UNC13C: variants seen among roughly 807,000 people sequenced by gnomAD.
UNC13C encodes unc-13 homolog C, also known as protein unc-13 homolog C.
In UNC13C, 174 loss-of-function variants were observed where a neutral mutation model predicts 245.4. The ratio of observed to expected loss-of-function variants is 0.71; its 90% CI spans 0.63 to 0.80. UNC13C has a LOEUF of 0.80. Among genes scored for constraint, UNC13C ranks in the 30% least tolerant of loss-of-function variants. The pLI is 0.00. For synonymous variants in UNC13C, 992 were observed against 895.1 expected, an observed-to-expected ratio of 1.11 and a Z score of -1.93; for missense variants, 2,829 against 2,602.9, an observed-to-expected ratio of 1.09 and a Z score of -1.89.
chr15:54,365,569 G>T (rs2039345319), intron 17 of UNC13C, among the ~76,000 whole-genome samples: 1 of 151,904 alleles, frequency 6.6e-6, no homozygotes, highest in South Asian at 2.1e-4. Context: ...ATATTCATAA[G>T]ATATCTTTTG....
intron 17 of UNC13C, among the ~76,000 whole-genome samples, chr15:54,388,400 A>T (rs1021875644): frequency 2.0e-5 from 3 of 152,088 alleles, no homozygotes; most frequent in African/African-American, 4.8e-5. Context: ...TCAGAGATCC[A>T]CCCCACACTG....
At chr15:54,415,903 G>C (rs1284473007) in intron 19 of UNC13C, among the ~76,000 whole-genome samples, 1 of 152,186 alleles carries the variant, frequency 6.6e-6, no homozygotes, top group Non-Finnish European at 1.5e-5. Flanking sequence ...GACAAGGCAG[G>C]CTTACTATGG....
At chr15:54,602,782 C>A (rs1192023600) in intron 30 of UNC13C, among the ~76,000 whole-genome samples, 2 of 54,916 alleles carry the variant, frequency 3.6e-5, no homozygotes, top group Non-Finnish European at 6.8e-5. Flanking sequence ...GTAATCAATT[C>A]TTTGCATTTC....
chr15:53,919,625 T>C, the UNC13C span, among the ~76,000 whole-genome samples: 137 of 152,216 alleles, frequency 9.0e-4, no homozygotes, highest in Non-Finnish European at 1.7e-3. Flanking sequence ...ACAATCTTTT[T>C]TTTGGAACAA....
intron 19 of UNC13C, among the ~76,000 whole-genome samples, chr15:54,431,980 T>A (rs1268967749): frequency 6.6e-6 from 1 of 151,596 alleles, no homozygotes; most frequent in Admixed American, 6.6e-5. Flanking sequence ...AGTTAGCACA[T>A]GTACCCTGAA....
At chr15:54,338,653 A>G (rs546990354) in intron 17 of UNC13C, among the ~76,000 whole-genome samples, 164 bp downstream of exon 17, 5 of 152,300 alleles carry the variant, frequency 3.3e-5, no homozygotes, top group African/African-American at 7.2e-5. Context: ...TATCACTTTC[A>G]CATACATGAA....
the UNC13C span, among the ~76,000 whole-genome samples, chr15:53,966,371 C>T: frequency 1.3e-4 from 20 of 152,244 alleles, no homozygotes; most frequent in African/African-American, 4.6e-4. Flanking sequence ...TTTATGCCAA[C>T]ATTTTTCCAT....
At chr15:54,451,493 A>T (rs932506214) in intron 19 of UNC13C, among the ~76,000 whole-genome samples, 3 of 152,060 alleles carry the variant, frequency 2.0e-5, no homozygotes, top group African/African-American at 7.2e-5. Context: ...TGACTGGATT[A>T]TTTTAAAGAC....
At position 54,297,823 on chromosome 15, in the gene UNC13C, A is replaced by T; in HGVS notation, c.4001A>T (p.Asp1334Val). The change falls in exon 12 of 33, where the codon GAT becomes GTT. Residue 1334 changes from aspartate (D) to valine (V), a missense_variant. Coordinates refer to ENST00000260323, the MANE Select transcript of UNC13C (RefSeq NM_001080534.3). ...DVWYNLEKRTDKSAVSGAIRL... is the reference protein window; with the variant it reads ...DVWYNLEKRTVKSAVSGAIRL... The stretch of plus-strand genomic sequence containing the variant: ...TTTGCTTTATCAGAGAAAAGGACAG[A>T]TAAGTCAGCTGTATCTGGGGCCATA... The T allele has an allele frequency of 6.2e-7, 1 of 1,607,404 alleles. No homozygotes were observed. The highest frequency in any genetic ancestry group is 8.5e-7 in the Non-Finnish European group (1 of 1,176,574).
intron 17 of UNC13C, among the ~76,000 whole-genome samples, chr15:54,376,654 G>A (rs2039613897): frequency 6.6e-6 from 1 of 152,156 alleles, no homozygotes; most frequent in African/African-American, 2.4e-5. Flanking sequence ...CCAGGAAAGA[G>A]AAGCTGAATA....
intron 30 of UNC13C, among the ~76,000 whole-genome samples, chr15:54,592,555 T>C (rs2553217): frequency 0.78 from 118,623 of 152,180 alleles, 47,067 homozygotes; most frequent in African/African-American, 0.95. Context: ...TACTGTCCCT[T>C]TTTGTCTCTT....
chr15:54,326,686 G>T (rs913739149), intron 14 of UNC13C, among the ~76,000 whole-genome samples: 2 of 151,994 alleles, frequency 1.3e-5, no homozygotes, highest in Non-Finnish European at 2.9e-5. Flanking sequence ...GAGAAAACAG[G>T]CAGAGACAGA....
At chr15:54,171,948 T>C (rs2033414239) in intron 4 of UNC13C, among the ~76,000 whole-genome samples, 1 of 152,086 alleles carries the variant, frequency 6.6e-6, no homozygotes, top group Admixed American at 6.5e-5. Context: ...GATCCTGTCA[T>C]TTGCAGTTAC....
chr15:54,450,295 AG>A lies in UNC13C; in HGVS notation c.4933+35229del, dbSNP rs748199906. 4.6e-5 allele frequency among the ~76,000 whole-genome samples: 7 copies of A among 152,340 alleles called. 1 individual carries two copies. Among genetic ancestry groups the A allele is most frequent in the East Asian group, 1.9e-4 (1 of 5,172 alleles). On this transcript the variant is annotated intron_variant, in intron 19 of 32. Coordinates refer to ENST00000260323, the MANE Select transcript of UNC13C (RefSeq NM_001080534.3). ...CTGGGAGAACCACTACTCTCTTCAA[AG>A]CTGTCACACAGGGACATTTAAGTCT...
chr15:54,405,818 A>G (rs1190486087), intron 18 of UNC13C, among the ~76,000 whole-genome samples: 2 of 152,174 alleles, frequency 1.3e-5, no homozygotes, highest in African/African-American at 2.4e-5. Context: ...AATAATAAAG[A>G]ATTGTTTGGG....
At chr15:53,964,420 CAG>C in the UNC13C span, among the ~76,000 whole-genome samples, 2 of 152,156 alleles carry the variant, frequency 1.3e-5, no homozygotes, top group Non-Finnish European at 2.9e-5. Flanking sequence ...GCTACTTGCA[CAG>C]AGCTATCCCT....
intron 1 of UNC13C, among the ~76,000 whole-genome samples, chr15:53,984,134 C>T (rs941955811): frequency 1.3e-5 from 2 of 152,042 alleles, no homozygotes; most frequent in Middle Eastern, 3.2e-3. Context: ...TATGTCACTC[C>T]CTGATCAAAA....
At chr15:54,343,596 A>T (rs2038789590) in intron 17 of UNC13C, among the ~76,000 whole-genome samples, 1 of 152,162 alleles carries the variant, frequency 6.6e-6, no homozygotes, top group South Asian at 2.1e-4. Flanking sequence ...ATCCTGTTCT[A>T]TATGCCTGAA....
chr15:54,012,938 C>T lies in UNC13C; in HGVS notation c.35C>T (p.Pro12Leu), dbSNP rs534446005. 1 of 1,609,388 alleles carries T rather than the reference C, an allele frequency of 6.2e-7. No homozygotes were observed. Among genetic ancestry groups the T allele is most frequent in the South Asian group, 1.1e-5 (1 of 90,516 alleles). ...VANFFKSLIL[P>L]YIHKLCKGMF... ...AATTTTTTCAAGAGCTTGATTTTACCTTACATTCATAAGCTTTGCAAAGGA... is the reference window on the plus strand; with the variant it reads ...AATTTTTTCAAGAGCTTGATTTTACTTTACATTCATAAGCTTTGCAAAGGA... The change falls in exon 2 of 33, where the codon CCT becomes CTT. Residue 12 changes from proline to leucine, a missense_variant. Physicochemically the swap from Pro to Leu is moderately conservative, Grantham distance 98. Transcript: ENST00000260323.
Sources: gnomAD v4.1 joint callset for allele counts (sites outside exome capture counted in the v4.1 genomes callset) on GRCh38, gnomAD v4.1.1 for gene constraint, MANE v1.5 for transcripts, NCBI Gene and HGNC (gene_info 2026-07-23, HGNC 2026-07-21) for gene names.